Variants in HRK observed in about 807,000 individuals in gnomAD.
HRK encodes the protein harakiri, BCL2 interacting protein.
HRK carries 6 observed loss-of-function variants against 5.9 expected under a neutral mutation model. The observed-to-expected ratio is 1.02, with a 90% CI of 0.56 to 2.01. The LOEUF is 2.01. Among genes scored for constraint, HRK ranks in the 30% most tolerant of loss-of-function variants. The pLI, the probability that HRK is intolerant of heterozygous loss-of-function variation, is 0.00. For missense variants in HRK, 133 were observed against 128.3 expected, an observed-to-expected ratio of 1.04 and a Z score of -0.18; for synonymous variants, 85 against 65.1, an observed-to-expected ratio of 1.31 and a Z score of -1.47.
chr12:116,876,102 G>T (rs891062802), intron 1 of HRK, among the ~76,000 whole-genome samples: 2 of 152,122 alleles, frequency 1.3e-5, no homozygotes, highest in East Asian at 1.9e-4. Context: ...ACATCTGGGG[G>T]TATATTTAAT....
At chr12:116,872,343 C>T (rs554184088) in intron 1 of HRK, among the ~76,000 whole-genome samples, 77 of 151,988 alleles carry the variant, frequency 5.1e-4, no homozygotes, top group Non-Finnish European at 8.4e-4. Context: ...CCAGCTCAGG[C>T]GACAGTGTGA....
Position 116,881,041 on chromosome 12 carries a change from C to T in HRK, c.267G>A (p.Arg89=). The change falls in exon 1 of 2, where the codon CGG becomes CGA. Residue 89 remains arginine (R), a synonymous_variant. Transcript: ENST00000257572. ...AAGAAGCCCCGCGTTCCTACAAGTT[C>T]CGCCTGCCGAGCAGCCAGGCCGCCA... ...AALAAWLLGR[R]NL is the part of the protein sequence containing the mutation. The T allele has an allele frequency of 1.5e-6, 2 of 1,353,724 alleles. No homozygotes were observed. Among genetic ancestry groups the T allele is most frequent in the Non-Finnish European group, 1.9e-6 (2 of 1,052,850 alleles). The allele number at this position is 1,353,724 out of a possible 1,614,324, so 83.9% of individuals were successfully genotyped here. A position where few individuals can be genotyped will look rare whatever the true frequency, so the allele number is the denominator to read the frequency against.
rs911612484 is a variant in HRK at position 116,860,785 on chromosome 12, C to T, written c.*738G>A. ...TCCCCTGGCCTTCCAAGTCTGTCAACAGAATACCACAGCAGCACCAGCAGG... is the reference window on the plus strand; with the variant it reads ...TCCCCTGGCCTTCCAAGTCTGTCAATAGAATACCACAGCAGCACCAGCAGG... On this transcript the variant is annotated 3_prime_UTR_variant, in exon 2 of 2. Transcript: ENST00000257572. 2.0e-5 allele frequency: 3 copies of T among 151,610 alleles called. No individual in the cohort carries two copies. Among genetic ancestry groups the T allele is most frequent in the African/African-American group, 7.3e-5 (3 of 41,238 alleles). The allele number at this position is 151,610 out of a possible 1,614,324, so 9.4% of individuals were successfully genotyped here. A position where few individuals can be genotyped will look rare whatever the true frequency, so the allele number is the denominator to read the frequency against.
chr12:116,875,411 C>T (rs2137253085), intron 1 of HRK, among the ~76,000 whole-genome samples: 1 of 152,306 alleles, frequency 6.6e-6, no homozygotes. Context: ...AAGCAGGGAA[C>T]TCTTATGTCT....
intron 1 of HRK, chr12:116,869,637 C>G (rs1165476228): frequency 6.6e-6 from 1 of 152,202 alleles, no homozygotes; most frequent in Admixed American, 6.5e-5. Context: ...AAATTCATGT[C>G]CCTTTCCATG....
intron 1 of HRK, among the ~76,000 whole-genome samples, chr12:116,870,510 C>A (rs1406404161): frequency 1.3e-5 from 2 of 152,098 alleles, no homozygotes; most frequent in African/African-American, 4.8e-5. Context: ...AGACACCTGA[C>A]ATATAAAGGC....
chr12:116,860,878 G>A lies in HRK; in HGVS notation c.*645C>T, dbSNP rs772015959. On this transcript the variant is annotated 3_prime_UTR_variant, in exon 2 of 2. Coordinates refer to ENST00000257572, the MANE Select transcript of HRK (RefSeq NM_003806.4). ...ACACAAAAATCCCATTTCTCTTGAC[G>A]TGACAGTGGGATCTAGCGATCGACC... 1 of 152,208 alleles carries A rather than the reference G, an allele frequency of 6.6e-6. No individual in the cohort carries two copies. Among genetic ancestry groups the A allele is most frequent in the African/African-American group, 2.4e-5 (1 of 41,418 alleles). 9.4% of individuals were successfully genotyped at this position (152,208 alleles called of 1,614,324 possible).
intron 1 of HRK, among the ~76,000 whole-genome samples, chr12:116,869,298 C>T (rs1878659088): frequency 6.6e-6 from 1 of 152,114 alleles, no homozygotes; most frequent in Non-Finnish European, 1.5e-5. Context: ...CTCAATTTTA[C>T]ACCAAATAAG....
intron 1 of HRK, among the ~76,000 whole-genome samples, chr12:116,865,040 C>T (rs1406832568): frequency 2.0e-5 from 3 of 152,022 alleles, no homozygotes; most frequent in Non-Finnish European, 4.4e-5. Flanking sequence ...AGGGGGGAGG[C>T]GGGCAGAGAG....
rs974469078 is a variant in HRK, at chr12:116,861,267, A to G, written c.*256T>C. ...TTTATATATATAGAGCTGTATGTAA[A>G]TAGCATTGGGGTGTCTGTTTCTGCA... On this transcript the variant is annotated 3_prime_UTR_variant, in exon 2 of 2. Coordinates refer to ENST00000257572, the MANE Select transcript of HRK (RefSeq NM_003806.4). 9 of 152,200 alleles carry G rather than the reference A, an allele frequency of 5.9e-5. No homozygotes were observed. Among genetic ancestry groups the G allele is most frequent in the Non-Finnish European group, 8.8e-5 (6 of 68,068 alleles). 9.4% of individuals were successfully genotyped at this position (152,200 alleles called of 1,614,324 possible). A position where few individuals can be genotyped will look rare whatever the true frequency, so the allele number is the denominator to read the frequency against.
In HRK at chr12:116,878,427, G is replaced by A. The variant is rs1879016544; in HGVS notation, c.*56+2549C>T. On this transcript the variant is annotated intron_variant, in intron 1 of 1. Transcript: ENST00000257572. The surrounding 1 kb of genome is among the most constrained non-coding windows in gnomAD (Gnocchi z 4.4). ...GAACGCAACAGACTGTCTTCCTCCG[G>A]TGATTTTTCTTTCCCCTTTACTTAA... The A allele has an allele frequency of 6.6e-6, 1 of 152,292 alleles. No homozygotes were observed. The highest frequency in any genetic ancestry group is 2.1e-4 in the South Asian group (1 of 4,836). 9.4% of individuals were successfully genotyped at this position (152,292 alleles called of 1,614,324 possible). A position where few individuals can be genotyped will look rare whatever the true frequency, so the allele number is the denominator to read the frequency against.
In HRK at chr12:116,881,360, C is replaced by T; in HGVS notation, c.-53G>A. 1 of 1,051,620 alleles carries T rather than the reference C, an allele frequency of 9.5e-7. No individual in the cohort carries two copies. The highest frequency in any genetic ancestry group is 4.5e-5 in the South Asian group (1 of 22,356). 65.1% of individuals were successfully genotyped at this position (1,051,620 alleles called of 1,614,324 possible). A position where few individuals can be genotyped will look rare whatever the true frequency, so the allele number is the denominator to read the frequency against. On this transcript the variant is annotated 5_prime_UTR_variant, in exon 1 of 2. Transcript: ENST00000257572. Reference sequence around the variant, plus strand: ...CTCGGGCCGCCCCTCGCCTCCTCTCCCTCCGGCCTCTGCGCCCGCTGCCGC... The same window carrying T: ...CTCGGGCCGCCCCTCGCCTCCTCTCTCTCCGGCCTCTGCGCCCGCTGCCGC...
rs538691748 is a variant in HRK, at chr12:116,856,514, G to A, written c.*5009C>T. ...TTTGCAAATTCCTTGCACCTTCCCCGGGGCCTTATAGAAACCAGGAACACA... is the reference window on the plus strand; with the variant it reads ...TTTGCAAATTCCTTGCACCTTCCCCAGGGCCTTATAGAAACCAGGAACACA... On this transcript the variant is annotated 3_prime_UTR_variant, in exon 2 of 2. Transcript: ENST00000257572. The surrounding 1 kb of genome is among the most constrained non-coding windows in gnomAD (Gnocchi z 4.4). 38 of 152,258 alleles carry A rather than the reference G, an allele frequency of 2.5e-4. No homozygotes were observed. The highest frequency in any genetic ancestry group is 8.2e-4 in the African/African-American group (34 of 41,538). 9.4% of individuals were successfully genotyped at this position (152,258 alleles called of 1,614,324 possible). A position where few individuals can be genotyped will look rare whatever the true frequency, so the allele number is the denominator to read the frequency against.
rs766714672 is a variant in HRK at position 116,881,099 on chromosome 12, G to A, written c.209C>T (p.Pro70Leu). 50 of 1,277,746 alleles carry A rather than the reference G, an allele frequency of 3.9e-5. No homozygotes were observed. Among genetic ancestry groups the A allele is most frequent in the Middle Eastern group, 3.0e-4 (1 of 3,306 alleles). The allele number at this position is 1,277,746 out of a possible 1,614,324, so 79.2% of individuals were successfully genotyped here. Residue 70 changes from proline to leucine, a missense_variant, in exon 1 of 2, where the codon CCT becomes CTT. Pro to Leu is a moderately conservative substitution (Grantham distance 98). Transcript: ENST00000257572. ...CACCTGCGCGGCCGCGCACAGCCAA[G>A]GCCAGTAGGTGGGGAGCGCGCCGGG... ...PAPGALPTYW[P>L]WLCAAAQVAA...
At position 116,871,117 on chromosome 12, in the gene HRK, GTTT is replaced by G. The variant is rs1402350477; in HGVS notation, c.*57-9654_*57-9652del. On this transcript the variant is annotated intron_variant, in intron 1 of 1. Coordinates refer to ENST00000257572, the MANE Select transcript of HRK (RefSeq NM_003806.4). ...TTTTTGTTTTGTTTTGTTTTGTTTTGTTTTGTTTTGTTTTGTTTTAGTAGAAGC... is the reference window on the plus strand; with the variant it reads ...TTTTTGTTTTGTTTTGTTTTGTTTTGTGTTTTGTTTTGTTTTAGTAGAAGC... Among the ~76,000 whole-genome samples, 400 of 151,556 alleles carry G rather than the reference GTTT, an allele frequency of 2.6e-3. 4 individuals carry two copies. Among genetic ancestry groups the G allele is most frequent in the African/African-American group, 9.4e-3 (387 of 41,264 alleles).
chr12:116,871,483 T>G (rs1037627183), intron 1 of HRK, among the ~76,000 whole-genome samples: 7 of 151,156 alleles, frequency 4.6e-5, no homozygotes, highest in African/African-American at 1.7e-4. Context: ...GTTTCTATTT[T>G]TAGTAGAGAT....
rs1235408177 is a variant in HRK at position 116,861,385 on chromosome 12, C to G, written c.*138G>C. The G allele has an allele frequency of 1.3e-5, 2 of 152,236 alleles. No homozygotes were observed. Among genetic ancestry groups the G allele is most frequent in the Non-Finnish European group, 2.9e-5 (2 of 68,052 alleles). 9.4% of individuals were successfully genotyped at this position (152,236 alleles called of 1,614,324 possible). A position where few individuals can be genotyped will look rare whatever the true frequency, so the allele number is the denominator to read the frequency against. ...ACTCTCCACTTCCTTCTCGAAGTGC[C>G]AACCGCGGCCTTTCAAGCTCTGGGC... On this transcript the variant is annotated 3_prime_UTR_variant, in exon 2 of 2. Transcript: ENST00000257572.
chr12:116,876,052 C>A (rs1255490111), intron 1 of HRK, among the ~76,000 whole-genome samples: 1 of 152,126 alleles, frequency 6.6e-6, no homozygotes, highest in East Asian at 1.9e-4. Flanking sequence ...GCTGACTTTT[C>A]AAAAACTCTA....
At position 116,859,444 on chromosome 12, in the gene HRK, G is replaced by A. The variant is rs1878276736; in HGVS notation, c.*2079C>T. On this transcript the variant is annotated 3_prime_UTR_variant, in exon 2 of 2. Coordinates refer to ENST00000257572, the MANE Select transcript of HRK (RefSeq NM_003806.4). ...GACCCTAGTCTGTGGCTAAGAAAGT[G>A]ATTAAATAGAAGCAGTGACTGTATT... 6.6e-6 allele frequency: 1 copy of A among 152,128 alleles called. No homozygotes were observed. Among genetic ancestry groups the A allele is most frequent in the Non-Finnish European group, 1.5e-5 (1 of 68,034 alleles). 9.4% of individuals were successfully genotyped at this position (152,128 alleles called of 1,614,324 possible).
Sources: gnomAD v4.1 joint callset for allele counts (sites outside exome capture counted in the v4.1 genomes callset) on GRCh38, gnomAD v4.1.1 for gene constraint, Gnocchi (gnomAD v3.1) non-coding constraint, MANE v1.5 for transcripts, NCBI Gene and HGNC (gene_info 2026-07-23, HGNC 2026-07-21) for gene names.